The following GRIK2 variants were observed in gnomAD, a reference collection of about 807,000 sequenced individuals.
GRIK2 encodes glutamate ionotropic receptor kainate type subunit 2.
GRIK2 carries 32 observed loss-of-function variants against 100.3 expected under a neutral mutation model. The observed-to-expected ratio is 0.32, with a 90% CI of 0.24 to 0.43. GRIK2 has a LOEUF of 0.43. Among genes scored for constraint, GRIK2 ranks in the 20% least tolerant of loss-of-function variants. GRIK2 has a pLI of 1.00. For missense variants in GRIK2, 843 were observed against 1,114.9 expected, an observed-to-expected ratio of 0.76 and a Z score of 3.47; for synonymous variants, 417 against 389.4, an observed-to-expected ratio of 1.07 and a Z score of -0.83.
At chr6:101,993,990 A>C (rs1440970014) in intron 14 of GRIK2, 1 of 146,246 alleles carries the variant, frequency 6.8e-6, no homozygotes, top group Admixed American at 6.9e-5. Context: ...TACAATGTAT[A>C]TACATACATA....
At chr6:101,798,074 G>T (rs1371691322) in intron 7 of GRIK2, among the ~76,000 whole-genome samples, 1 of 147,322 alleles carries the variant, frequency 6.8e-6, no homozygotes, top group African/African-American at 2.5e-5. Context: ...ACAAAACAAT[G>T]GATATGTAGC....
At chr6:101,982,837 A>G (rs1793798470) in intron 14 of GRIK2, among the ~76,000 whole-genome samples, 2 of 151,728 alleles carry the variant, frequency 1.3e-5, no homozygotes, top group African/African-American at 2.4e-5. Context: ...ATCTCATTGC[A>G]GCATGTAAGA....
At chr6:101,562,733 T>C (rs1038086394) in intron 2 of GRIK2, among the ~76,000 whole-genome samples, 3 of 152,236 alleles carry the variant, frequency 2.0e-5, no homozygotes, top group East Asian at 3.9e-4. Flanking sequence ...CTTCTGATGA[T>C]TAAATGATGT....
intron 4 of GRIK2, among the ~76,000 whole-genome samples, chr6:101,640,858 A>C (rs904389963): frequency 1.3e-5 from 2 of 152,166 alleles, no homozygotes; most frequent in African/African-American, 4.8e-5. Flanking sequence ...ATTTTGAAAC[A>C]AATTGACATT....
chr6:102,001,946 CTT>C (rs1251171247), intron 14 of GRIK2, among the ~76,000 whole-genome samples: 2 of 151,562 alleles, frequency 1.3e-5, no homozygotes, highest in African/African-American at 2.4e-5. Context: ...TTTTTCGACT[CTT>C]TACTTACAAG....
chr6:101,984,219 TTGAACCTAGAGC>T (rs1793884897), intron 14 of GRIK2, among the ~76,000 whole-genome samples: 1 of 151,732 alleles, frequency 6.6e-6, no homozygotes, highest in Non-Finnish European at 1.5e-5. Flanking sequence ...GACCAGCACT[TTGAACCTAGAGC>T]TTTGGCCCAT....
intron 1 of GRIK2, among the ~76,000 whole-genome samples, chr6:101,396,637 C>T (rs901260949): frequency 6.6e-6 from 1 of 152,112 alleles, no homozygotes. Flanking sequence ...AATTCCAATT[C>T]CTTTACTCTG....
At chr6:102,047,253 A>G (rs1052118058) in intron 15 of GRIK2, among the ~76,000 whole-genome samples, 9 of 152,066 alleles carry the variant, frequency 5.9e-5, no homozygotes, top group African/African-American at 2.2e-4. Flanking sequence ...ATAGGAAAAA[A>G]ACCCAATAGT....
intron 11 of GRIK2, among the ~76,000 whole-genome samples, chr6:101,888,566 A>G (rs1786822034): frequency 6.6e-6 from 1 of 152,132 alleles, no homozygotes; most frequent in Non-Finnish European, 1.5e-5. Context: ...CCTCTCAAAG[A>G]TACTCTTTCC....
chr6:101,897,830 G>T (rs1484296827), intron 12 of GRIK2, among the ~76,000 whole-genome samples: 1 of 151,684 alleles, frequency 6.6e-6, no homozygotes, highest in Non-Finnish European at 1.5e-5. Context: ...TAGAAAAATA[G>T]GTCAGTATTT....
chr6:101,470,586 C>T (rs923879800), intron 2 of GRIK2, among the ~76,000 whole-genome samples: 1 of 152,104 alleles, frequency 6.6e-6, no homozygotes, highest in African/African-American at 2.4e-5. Flanking sequence ...AAAACTCTCT[C>T]TCTTCCTTCC....
chr6:101,929,715 ATTAACT>A (rs1790138607), intron 14 of GRIK2, among the ~76,000 whole-genome samples: 1 of 152,174 alleles, frequency 6.6e-6, no homozygotes, highest in Non-Finnish European at 1.5e-5. Flanking sequence ...TTTTTATAAA[ATTAACT>A]TTAAAATAAA....
chr6:102,014,404 C>T (rs921747327), intron 14 of GRIK2, among the ~76,000 whole-genome samples: 4 of 151,952 alleles, frequency 2.6e-5, no homozygotes, highest in Admixed American at 1.3e-4. Flanking sequence ...CCTGCCTTCA[C>T]TGATCTTTTG....
chr6:101,456,115 A>G (rs1202863253), intron 2 of GRIK2, among the ~76,000 whole-genome samples: 1 of 150,060 alleles, frequency 6.7e-6, no homozygotes, highest in East Asian at 2.0e-4. Flanking sequence ...GAATTGGGAC[A>G]GATTTTTTTT....
chr6:101,764,192 T>C (rs1777902962), intron 7 of GRIK2, among the ~76,000 whole-genome samples: 1 of 152,146 alleles, frequency 6.6e-6, no homozygotes, highest in Admixed American at 6.5e-5. Flanking sequence ...TCATTTGCTC[T>C]TGTGGTTCCA....
intron 14 of GRIK2, among the ~76,000 whole-genome samples, chr6:101,992,621 T>A (rs938957916): frequency 6.6e-6 from 1 of 151,612 alleles, no homozygotes; most frequent in Non-Finnish European, 1.5e-5. Flanking sequence ...TTCAGACAGA[T>A]TGAATTTTTT....
intron 4 of GRIK2, among the ~76,000 whole-genome samples, chr6:101,636,500 A>G (rs748634911): frequency 6.6e-6 from 1 of 151,874 alleles, no homozygotes; most frequent in African/African-American, 2.4e-5. Context: ...AAAGTATAAT[A>G]AAAAAAAGAA....
chr6:101,814,835 A>G (rs1781538778), intron 9 of GRIK2, among the ~76,000 whole-genome samples: 1 of 152,214 alleles, frequency 6.6e-6, no homozygotes, highest in South Asian at 2.1e-4. Context: ...GGATTTGATT[A>G]TCTTTGGTGC....
At chr6:101,503,090 T>C (rs1168687407) in intron 2 of GRIK2, among the ~76,000 whole-genome samples, 1 of 152,142 alleles carries the variant, frequency 6.6e-6, no homozygotes, top group Non-Finnish European at 1.5e-5. Flanking sequence ...TGTGGCATTA[T>C]TGGTGCCTGG....
Sources: gnomAD v4.1 joint callset for allele counts (sites outside exome capture counted in the v4.1 genomes callset) on GRCh38, gnomAD v4.1.1 for gene constraint, MANE v1.5 for transcripts, NCBI Gene and HGNC (gene_info 2026-07-23, HGNC 2026-07-21) for gene names.